The following MYRIP variants were observed in gnomAD, a reference collection of about 807,000 sequenced individuals.
MYRIP encodes the protein rab effector MyRIP.
Under a neutral mutation model 98.0 loss-of-function variants are expected in MYRIP, and 49 were observed. That is an observed-to-expected ratio of 0.50 (90% confidence interval 0.40 to 0.63). The LOEUF is 0.63. Ranked by LOEUF, MYRIP falls within the 30% of genes least tolerant of loss-of-function variation. The pLI is 0.00. For missense variants in MYRIP, 1,004 were observed against 1,058.2 expected (o/e 0.95, Z 0.71); for synonymous variants, 404 against 409.5 (o/e 0.99, Z 0.16).
intron 2 of MYRIP, among the ~76,000 whole-genome samples, chr3:39,905,323 G>A (rs1028382432): frequency 6.6e-6 from 1 of 152,144 alleles, no homozygotes; most frequent in Non-Finnish European, 1.5e-5. Context: ...ATCTAAACAT[G>A]TGCTTCTGTT....
chr3:40,148,360 T>G (rs1950051330), intron 3 of MYRIP, among the ~76,000 whole-genome samples: 1 of 152,172 alleles, frequency 6.6e-6, no homozygotes, highest in African/African-American at 2.4e-5. Context: ...TTTTCTTCTG[T>G]TATGTCTTTG....
Position 40,045,798 on chromosome 3 carries a change from C to T in MYRIP, c.332+1527C>T, listed in dbSNP as rs116251730. Among the ~76,000 whole-genome samples, 3 of 151,952 alleles carry T rather than the reference C, an allele frequency of 2.0e-5. No individual in the cohort carries two copies. In the South Asian group the frequency reaches 6.2e-4, roughly 32 times the overall value. On this transcript the variant is annotated intron_variant, in intron 3 of 16. Coordinates refer to ENST00000302541, the MANE Select transcript of MYRIP (RefSeq NM_015460.4). ...GGGCTTGGGACAGGTCAGAGGGTAACTGAGTTAAGGATATTGGACAGTGAA... is the reference window on the plus strand; with the variant it reads ...GGGCTTGGGACAGGTCAGAGGGTAATTGAGTTAAGGATATTGGACAGTGAA...
At chr3:39,988,003 CT>C (rs1946075905) in intron 2 of MYRIP, among the ~76,000 whole-genome samples, 2 of 152,122 alleles carry the variant, frequency 1.3e-5, no homozygotes, top group African/African-American at 4.8e-5. Context: ...AGTTCATGTC[CT>C]TTTTAGGGAC....
At chr3:40,209,813 A>G in intron 10 of MYRIP, 41 bp from the exon 11 acceptor site, 3 of 1,610,764 alleles carry the variant, frequency 1.9e-6, no homozygotes, top group Non-Finnish European at 2.5e-6. Flanking sequence ...ACATGGCTGT[A>G]GCAGAGGGCT....
intron 2 of MYRIP, among the ~76,000 whole-genome samples, chr3:40,020,273 T>TA (rs1390549805): frequency 2.6e-5 from 4 of 151,518 alleles, no homozygotes; most frequent in Admixed American, 1.3e-4. Flanking sequence ...TAAGAATTAA[T>TA]ATGTGTTTAA....
chr3:40,211,866 G>A (rs1951939916), intron 11 of MYRIP, among the ~76,000 whole-genome samples: 1 of 151,940 alleles, frequency 6.6e-6, no homozygotes. Flanking sequence ...AGTGTCAGCA[G>A]AGAAAGGAGG....
chr3:39,886,212 C>A (rs1339612003), intron 1 of MYRIP, among the ~76,000 whole-genome samples: 5 of 151,688 alleles, frequency 3.3e-5, no homozygotes, highest in South Asian at 2.1e-4. Flanking sequence ...AAGGAACAAC[C>A]GGTACCAGCC....
chr3:39,919,727 T>A (rs9843031), intron 2 of MYRIP, among the ~76,000 whole-genome samples: 49,554 of 122,770 alleles, frequency 0.4, 8,930 homozygotes, highest in Middle Eastern at 0.48. Flanking sequence ...TGTGTGTGTG[T>A]GAGAGAGAGA....
chr3:40,245,173 C>T (rs919459144), intron 13 of MYRIP, among the ~76,000 whole-genome samples: 4 of 152,170 alleles, frequency 2.6e-5, no homozygotes, highest in East Asian at 1.9e-4. Flanking sequence ...GATTTAGATA[C>T]GGCTATTTCA....
intron 1 of MYRIP, among the ~76,000 whole-genome samples, chr3:39,853,753 G>A (rs76550541): frequency 0.027 from 4,167 of 151,892 alleles, 132 homozygotes; most frequent in East Asian, 0.09. Flanking sequence ...AAGCTTTCTA[G>A]TTTACTTAGG....
intron 1 of MYRIP, among the ~76,000 whole-genome samples, chr3:39,874,417 C>T (rs913694311): frequency 2.0e-5 from 3 of 151,858 alleles, no homozygotes; most frequent in South Asian, 2.1e-4. Context: ...CTGTCTTCTG[C>T]CAGTTTTCAA....
chr3:39,893,715 CACAT>C (rs1489359483), intron 1 of MYRIP, among the ~76,000 whole-genome samples: 1 of 151,454 alleles, frequency 6.6e-6, no homozygotes, highest in Non-Finnish European at 1.5e-5. Flanking sequence ...CACGCATGCA[CACAT>C]ACATTGTTTA....
At chr3:39,971,539 G>C (rs1945584566) in intron 2 of MYRIP, among the ~76,000 whole-genome samples, 1 of 151,856 alleles carries the variant, frequency 6.6e-6, no homozygotes. Flanking sequence ...ATTCATCTTG[G>C]AGAAGGTTCA....
intron 1 of MYRIP, among the ~76,000 whole-genome samples, chr3:39,855,532 G>C (rs1200458467): frequency 6.6e-6 from 1 of 152,068 alleles, no homozygotes. Flanking sequence ...GTGAGGGGGT[G>C]GTTCTCAGGC....
At chr3:40,000,335 C>T (rs1559555590) in intron 2 of MYRIP, among the ~76,000 whole-genome samples, 1 of 152,228 alleles carries the variant, frequency 6.6e-6, no homozygotes, top group East Asian at 1.9e-4. Context: ...CAAGCAAATT[C>T]CTATCAGCAT....
intron 1 of MYRIP, among the ~76,000 whole-genome samples, chr3:39,863,835 CACA>C (rs112996698): frequency 2.6e-5 from 4 of 151,796 alleles, no homozygotes; most frequent in South Asian, 2.1e-4. Flanking sequence ...CCAGCAGGGA[CACA>C]ACAACAACAA....
chr3:40,215,994 C>T (rs1200730606), intron 11 of MYRIP, among the ~76,000 whole-genome samples: 3 of 152,208 alleles, frequency 2.0e-5, no homozygotes. Context: ...TTCATTCCCA[C>T]AACTGTGTCC....
intron 1 of MYRIP, among the ~76,000 whole-genome samples, chr3:39,850,576 T>C (rs1468493736): frequency 6.6e-6 from 1 of 151,940 alleles, no homozygotes; most frequent in Non-Finnish European, 1.5e-5. Flanking sequence ...CTTAAAAAAA[T>C]CTACTATTAG....
At chr3:40,021,845 A>G (rs1269004042) in intron 2 of MYRIP, among the ~76,000 whole-genome samples, 1 of 152,232 alleles carries the variant, frequency 6.6e-6, no homozygotes, top group African/African-American at 2.4e-5. Flanking sequence ...AGAAATAAGA[A>G]TCCTATCCCT....
Sources: gnomAD v4.1 joint callset for allele counts (sites outside exome capture counted in the v4.1 genomes callset) on GRCh38, gnomAD v4.1.1 for gene constraint, MANE v1.5 for transcripts, NCBI Gene and HGNC (gene_info 2026-07-23, HGNC 2026-07-21) for gene names.